The following TTC7B variants were observed in gnomAD, a reference collection of about 807,000 sequenced individuals.
The protein encoded by TTC7B is tetratricopeptide repeat domain 7B, also known as tetratricopeptide repeat protein 7B.
A neutral mutation model predicts 106.8 loss-of-function variants in TTC7B; 28 were observed. The ratio of observed to expected loss-of-function variants is 0.26; its 90% CI spans 0.19 to 0.36. The LOEUF (loss-of-function observed/expected upper bound fraction) is 0.36, where lower values mean the gene tolerates loss of function less well. Ranked by LOEUF, TTC7B falls within the 10% of genes least tolerant of loss-of-function variation. TTC7B has a pLI of 1.00. For missense variants in TTC7B, 862 were observed against 1,076.4 expected (o/e 0.80, Z 2.79); for synonymous variants, 405 against 430.6 (o/e 0.94, Z 0.74).
chr14:90,721,530 A>C (rs1645970014), intron 5 of TTC7B, among the ~76,000 whole-genome samples: 1 of 151,834 alleles, frequency 6.6e-6, no homozygotes, highest in Admixed American at 6.6e-5. Context: ...CTTTATCTTT[A>C]TTTTTTTAAT....
At chr14:90,705,718 T>C (rs1888178379) in intron 5 of TTC7B, among the ~76,000 whole-genome samples, 1 of 152,128 alleles carries the variant, frequency 6.6e-6, no homozygotes, top group African/African-American at 2.4e-5. Flanking sequence ...AAGTAACAAC[T>C]ACCCTGACTT....
rs372218183 is a variant in TTC7B, at chr14:90,653,004, T to C, written c.1460-106A>G. 180 of 1,184,264 alleles carry C rather than the reference T, an allele frequency of 1.5e-4. No individual in the cohort carries two copies. In the African/African-American group the frequency reaches 2.4e-3, roughly 16 times the overall value. The allele number at this position is 1,184,264 out of a possible 1,614,324, so 73.4% of individuals were successfully genotyped here. On this transcript the variant is annotated intron_variant, in intron 12 of 19. Transcript: ENST00000328459. Reference sequence around the variant, plus strand: ...CATTCAACTGGATTAAAAGCAACAATGTCTGAGTGCCTACGTGCCCAGTCC... The same window carrying C: ...CATTCAACTGGATTAAAAGCAACAACGTCTGAGTGCCTACGTGCCCAGTCC...
intron 1 of TTC7B, among the ~76,000 whole-genome samples, chr14:90,788,525 G>A (rs992018935): frequency 2.0e-5 from 3 of 152,020 alleles, no homozygotes; most frequent in African/African-American, 7.3e-5. Flanking sequence ...GAGGAGCTTC[G>A]GAGTGTCATG....
At chr14:90,569,061 G>C (rs1429932360) in intron 19 of TTC7B, among the ~76,000 whole-genome samples, 1 of 152,150 alleles carries the variant, frequency 6.6e-6, no homozygotes, top group Non-Finnish European at 1.5e-5. Context: ...ATCTTTAATT[G>C]GTTATTGCCA....
In TTC7B at chr14:90,525,358, T is replaced by C. The variant is rs1184307369; in HGVS notation, c.*16010A>G. On this transcript the variant is annotated 3_prime_UTR_variant, in exon 20 of 20. Transcript: ENST00000328459. ...TTGGATTGTGATCAGTTTTTGGCTA[T>C]TACAAATAAAGCTGCTATAAACATT... is the stretch of plus-strand genomic sequence containing the variant. 3 of 152,258 alleles carry C rather than the reference T, an allele frequency of 2.0e-5. No individual in the cohort carries two copies. The highest frequency in any genetic ancestry group is 2.9e-5 in the Non-Finnish European group (2 of 68,050). 9.4% of individuals were successfully genotyped at this position (152,258 alleles called of 1,614,324 possible). A position where few individuals can be genotyped will look rare whatever the true frequency, so the allele number is the denominator to read the frequency against.
chr14:90,613,354 T>C (rs1410417047), intron 16 of TTC7B, among the ~76,000 whole-genome samples: 2 of 151,806 alleles, frequency 1.3e-5, no homozygotes, highest in African/African-American at 4.8e-5. Flanking sequence ...GATCATGCCA[T>C]GGCACTCCAG....
rs55829726 is a variant in TTC7B, at chr14:90,803,810, TCACA to T, written c.121+12361_121+12364del. Among the ~76,000 whole-genome samples the T allele has an allele frequency of 7.6e-3, 1,130 of 149,522 alleles. 15 individuals carry two copies. Among genetic ancestry groups the T allele is most frequent in the African/African-American group, 0.023 (950 of 40,898 alleles). ...CTGGCAGAAGAGATGAGTACGCTGG[TCACA>T]CACACACACACACACACACACAATT... On this transcript the variant is annotated intron_variant, in intron 1 of 19. Transcript: ENST00000328459.
At chr14:90,594,208 C>T (rs1892107810) in intron 17 of TTC7B, among the ~76,000 whole-genome samples, 1 of 152,168 alleles carries the variant, frequency 6.6e-6, no homozygotes, top group Admixed American at 6.5e-5. Flanking sequence ...TGTGTATAAG[C>T]AGATGTCTAT....
chr14:90,679,725 A>G (rs1886977071), intron 8 of TTC7B, among the ~76,000 whole-genome samples: 1 of 152,202 alleles, frequency 6.6e-6, no homozygotes, highest in Admixed American at 6.5e-5. Flanking sequence ...GGAATTCACT[A>G]TTACTACACA....
intron 15 of TTC7B, among the ~76,000 whole-genome samples, chr14:90,619,737 G>T (rs1893233659): frequency 6.6e-6 from 1 of 152,132 alleles, no homozygotes; most frequent in Non-Finnish European, 1.5e-5. Context: ...CCCTTTGGTT[G>T]TTTTCTGGAT....
chr14:90,671,887 A>G (rs1404714172), intron 9 of TTC7B, among the ~76,000 whole-genome samples: 3 of 152,216 alleles, frequency 2.0e-5, no homozygotes, highest in Admixed American at 6.5e-5. Flanking sequence ...TTGAATAAGC[A>G]TAAGAGAAAG....
chr14:90,536,144 C>T lies in TTC7B; in HGVS notation c.*5224G>A, dbSNP rs186167896. ...ACGGTCAGCTCTCAGGCCACCCTGACGGGGTCTCCAGGCATTGAGAGAGCC... is the reference window on the plus strand; with the variant it reads ...ACGGTCAGCTCTCAGGCCACCCTGATGGGGTCTCCAGGCATTGAGAGAGCC... On this transcript the variant is annotated 3_prime_UTR_variant, in exon 20 of 20. Transcript: ENST00000328459. 460 of 154,450 alleles carry T rather than the reference C, an allele frequency of 3.0e-3. 2 individuals carry two copies. The highest frequency in any genetic ancestry group is 6.0e-3 in the South Asian group (29 of 4,856). The allele number at this position is 154,450 out of a possible 1,614,324, so 9.6% of individuals were successfully genotyped here. A position where few individuals can be genotyped will look rare whatever the true frequency, so the allele number is the denominator to read the frequency against.
At chr14:90,801,643 C>T (rs547535335) in intron 1 of TTC7B, among the ~76,000 whole-genome samples, 18 of 152,220 alleles carry the variant, frequency 1.2e-4, no homozygotes, top group African/African-American at 4.1e-4. Context: ...GAAATTAAGT[C>T]CAGATCAAAG....
chr14:90,629,811 G>C (rs1286446), intron 15 of TTC7B, among the ~76,000 whole-genome samples: 1 of 152,216 alleles, frequency 6.6e-6, no homozygotes, highest in Non-Finnish European at 1.5e-5. Context: ...CCAGCTGCTC[G>C]GCTTTCTGAG....
rs181699728 is a variant in TTC7B, at chr14:90,793,850, C to T, written c.122-7522G>A. 2.6e-3 allele frequency among the ~76,000 whole-genome samples: 389 copies of T among 151,830 alleles called. 2 individuals carry two copies. The highest frequency in any genetic ancestry group is 8.4e-3 in the African/African-American group (348 of 41,434). ...CTCGAACTCCCAACCTCAGGTGATC[C>T]GCCCGCCTCGGCCTCCCAAAGTGCT... On this transcript the variant is annotated intron_variant, in intron 1 of 19. Coordinates refer to ENST00000328459, the MANE Select transcript of TTC7B (RefSeq NM_001010854.2).
intron 5 of TTC7B, among the ~76,000 whole-genome samples, chr14:90,720,022 A>G (rs1202569877): frequency 7.3e-6 from 1 of 137,654 alleles, no homozygotes; most frequent in African/African-American, 2.8e-5. Flanking sequence ...TTATGCACAG[A>G]CCTTTTTTTT....
chr14:90,616,129 T>C (rs969330021), intron 16 of TTC7B, among the ~76,000 whole-genome samples: 2 of 151,888 alleles, frequency 1.3e-5, no homozygotes, highest in African/African-American at 4.8e-5. Flanking sequence ...TGAGGGGAAA[T>C]TGGCAACACG....
intron 17 of TTC7B, among the ~76,000 whole-genome samples, chr14:90,596,546 C>T (rs1892210830): frequency 6.6e-6 from 1 of 152,188 alleles, no homozygotes. Flanking sequence ...AACACAAACA[C>T]TAGTCTGATT....
chr14:90,714,217 C>T (rs1352676871), intron 5 of TTC7B, among the ~76,000 whole-genome samples: 2 of 148,672 alleles, frequency 1.3e-5, no homozygotes, highest in African/African-American at 5.0e-5. Flanking sequence ...GCAACAAGAG[C>T]GAAACTCTGT....
Sources: gnomAD v4.1 joint callset for allele counts (sites outside exome capture counted in the v4.1 genomes callset) on GRCh38, gnomAD v4.1.1 for gene constraint, MANE v1.5 for transcripts, NCBI Gene and HGNC (gene_info 2026-07-23, HGNC 2026-07-21) for gene names.